Variants in NEGR1 observed in about 807,000 individuals in gnomAD.
NEGR1 encodes IgLON family member 4.
In NEGR1, 10 loss-of-function variants were observed where a neutral mutation model predicts 40.9. The observed-to-expected ratio is 0.24, with a 90% CI of 0.15 to 0.42. NEGR1 has a LOEUF of 0.42. NEGR1 is among the 10% of genes least tolerant of loss of function. The pLI is 1.00. For synonymous variants in NEGR1, 185 were observed against 166.8 expected (o/e 1.11, Z -0.84); for missense variants, 352 against 438.9 (o/e 0.80, Z 1.77).
intron 1 of NEGR1, among the ~76,000 whole-genome samples, chr1:72,110,598 C>A (rs889164763): frequency 1.3e-5 from 2 of 151,354 alleles, no homozygotes; most frequent in Middle Eastern, 3.2e-3. Flanking sequence ...TACTATAAAC[C>A]CGAAAAAACT....
rs1557617662 is a variant in NEGR1 at position 71,697,914 on chromosome 1, C to T, written c.667+94G>A. On this transcript the variant is annotated intron_variant, in intron 4 of 6. Transcript: ENST00000357731. Reference sequence around the variant, plus strand: ...TAGGTGATTTTTACCAATAGACAACCTCTTAAAAACAGCAACATAAATTTC... The same window carrying T: ...TAGGTGATTTTTACCAATAGACAACTTCTTAAAAACAGCAACATAAATTTC... 5 of 1,237,408 alleles carry T rather than the reference C, an allele frequency of 4.0e-6. No homozygotes were observed. In the East Asian group the frequency reaches 7.1e-5, roughly 17 times the overall value. The allele number at this position is 1,237,408 out of a possible 1,614,324, so 76.7% of individuals were successfully genotyped here.
At chr1:71,758,873 T>C (rs1442100937) in intron 3 of NEGR1, among the ~76,000 whole-genome samples, 12 of 152,208 alleles carry the variant, frequency 7.9e-5, no homozygotes, top group Admixed American at 7.9e-4. Context: ...TTTATCTGTG[T>C]ATAAAATTAG....
At chr1:71,605,605 G>T (rs1650052731) in intron 5 of NEGR1, among the ~76,000 whole-genome samples, 1 of 152,124 alleles carries the variant, frequency 6.6e-6, no homozygotes. Flanking sequence ...AAAAACGTTT[G>T]CTTAATGATA....
chr1:71,608,602 G>T (rs1255103231), intron 5 of NEGR1, among the ~76,000 whole-genome samples: 1 of 151,712 alleles, frequency 6.6e-6, no homozygotes, highest in African/African-American at 2.4e-5. Context: ...AAACAAAATG[G>T]CCTTTAACAA....
intron 1 of NEGR1, among the ~76,000 whole-genome samples, chr1:72,245,006 C>T (rs1042435788): frequency 2.0e-5 from 3 of 151,840 alleles, no homozygotes; most frequent in East Asian, 3.9e-4. Flanking sequence ...CTAGTTAGAC[C>T]GTAAAGAGCA....
At chr1:72,096,596 A>C (rs928157212) in intron 1 of NEGR1, among the ~76,000 whole-genome samples, 52 of 152,138 alleles carry the variant, frequency 3.4e-4, no homozygotes, top group African/African-American at 1.2e-3. Context: ...TCAAAAAATA[A>C]CTCATTCATA....
intron 5 of NEGR1, among the ~76,000 whole-genome samples, chr1:71,605,455 T>C (rs748376714): frequency 2.6e-5 from 4 of 152,172 alleles, no homozygotes; most frequent in Non-Finnish European, 5.9e-5. Context: ...AAGACGGTAA[T>C]ACCATCTTCA....
chr1:71,638,785 T>A (rs181406081), intron 4 of NEGR1, among the ~76,000 whole-genome samples: 31 of 152,060 alleles, frequency 2.0e-4, no homozygotes, highest in Admixed American at 1.1e-3. Context: ...TACTGTGGCA[T>A]CTCCCATAAG....
intron 6 of NEGR1, among the ~76,000 whole-genome samples, chr1:71,453,129 C>T (rs1336786944): frequency 6.6e-6 from 1 of 152,088 alleles, no homozygotes; most frequent in African/African-American, 2.4e-5. Context: ...TACAGAAATG[C>T]AGTGACAGTT....
At chr1:71,550,349 C>T (rs1194228800) in intron 6 of NEGR1, among the ~76,000 whole-genome samples, 1 of 151,536 alleles carries the variant, frequency 6.6e-6, no homozygotes, top group East Asian at 2.0e-4. Flanking sequence ...TTAAGAGTAC[C>T]TTCCCTTATT....
chr1:71,734,920 C>T (rs1654998965), intron 3 of NEGR1, among the ~76,000 whole-genome samples: 1 of 151,558 alleles, frequency 6.6e-6, no homozygotes, highest in African/African-American at 2.4e-5. Flanking sequence ...TTTTTTTTCC[C>T]CTCCATTTCC....
In NEGR1 at chr1:71,878,688, A is replaced by G. The variant is rs533890840; in HGVS notation, c.409+56391T>C. On this transcript the variant is annotated intron_variant, in intron 2 of 6. Transcript: ENST00000357731. Reference sequence around the variant, plus strand: ...TTGCAGTTACCATGACCAAAAACCAAATCAAGGAGCTAACAACTCTACAAA... The same window carrying G: ...TTGCAGTTACCATGACCAAAAACCAGATCAAGGAGCTAACAACTCTACAAA... Among the ~76,000 whole-genome samples, 59 of 152,292 alleles carry G rather than the reference A, an allele frequency of 3.9e-4. 1 individual carries two copies. In the South Asian group the frequency reaches 0.011, roughly 29 times the overall value.
chr1:72,133,805 T>G (rs2100319555), intron 1 of NEGR1, among the ~76,000 whole-genome samples: 1 of 151,770 alleles, frequency 6.6e-6, no homozygotes, highest in South Asian at 2.1e-4. Flanking sequence ...TTCAGTCATA[T>G]ATTATCCCAT....
intron 2 of NEGR1, among the ~76,000 whole-genome samples, chr1:71,855,789 A>G (rs1024556987): frequency 6.6e-5 from 10 of 152,080 alleles, no homozygotes; most frequent in Non-Finnish European, 1.2e-4. Flanking sequence ...TTTGGGTGGC[A>G]ATAAGGTAAA....
chr1:72,117,623 A>T (rs1353815353), intron 1 of NEGR1, among the ~76,000 whole-genome samples: 1 of 151,764 alleles, frequency 6.6e-6, no homozygotes, highest in African/African-American at 2.4e-5. Context: ...ACTTACACAC[A>T]CTATGGCCCT....
At chr1:72,280,388 C>A (rs897506599) in intron 1 of NEGR1, among the ~76,000 whole-genome samples, 9 of 152,166 alleles carry the variant, frequency 5.9e-5, no homozygotes, top group Non-Finnish European at 1.2e-4. Flanking sequence ...AATGGTAATG[C>A]TCACTACAAA....
chr1:72,029,435 G>A (rs1646838999), intron 1 of NEGR1, among the ~76,000 whole-genome samples: 1 of 152,198 alleles, frequency 6.6e-6, no homozygotes, highest in Non-Finnish European at 1.5e-5. Context: ...CTAGTCAGCA[G>A]CTGAAATAGC....
intron 1 of NEGR1, among the ~76,000 whole-genome samples, chr1:72,002,408 A>G (rs893875250): frequency 1.1e-4 from 16 of 152,152 alleles, no homozygotes; most frequent in African/African-American, 3.9e-4. Context: ...AATAGTCCCT[A>G]GACTAAAGCA....
chr1:71,942,476 TA>T (rs1557446311), intron 1 of NEGR1, among the ~76,000 whole-genome samples: 1 of 16,624 alleles, frequency 6.0e-5, no homozygotes, highest in East Asian at 1.9e-3. Flanking sequence ...TATATATATA[TA>T]TATATATTTT....
Sources: allele counts gnomAD v4.1 joint callset (sites outside exome capture counted in the v4.1 genomes callset), GRCh38; gene constraint gnomAD v4.1.1; transcripts MANE v1.5; gene names NCBI Gene and HGNC (gene_info 2026-07-23, HGNC 2026-07-21).